The following STXBP6 variants were observed in gnomAD, a reference collection of about 807,000 sequenced individuals.
The protein encoded by STXBP6 is syntaxin-binding protein 6.
Under a neutral mutation model 26.9 loss-of-function variants are expected in STXBP6, and 21 were observed. That is an observed-to-expected ratio of 0.78 (90% CI 0.55 to 1.12). STXBP6 has a LOEUF of 1.12. STXBP6 is among the 50% of genes most tolerant of loss of function. The pLI, the probability that STXBP6 is intolerant of heterozygous loss-of-function variation, is 0.00. For missense variants in STXBP6, 232 were observed against 257.9 expected (o/e 0.90, Z 0.69); for synonymous variants, 97 against 92.6 (o/e 1.05, Z -0.27).
chr14:24,918,366 T>C (rs2071845326), intron 2 of STXBP6, among the ~76,000 whole-genome samples: 1 of 151,626 alleles, frequency 6.6e-6, no homozygotes, highest in Non-Finnish European at 1.5e-5. Context: ...ATTTTGTCAA[T>C]ACAAACCTAA....
At chr14:24,841,753 A>G (rs546092663) in intron 4 of STXBP6, among the ~76,000 whole-genome samples, 2 of 152,132 alleles carry the variant, frequency 1.3e-5, no homozygotes, top group Admixed American at 6.5e-5. Flanking sequence ...ATTTTTTTCT[A>G]TCACTTTGTC....
chr14:24,915,818 A>C (rs973098786), intron 2 of STXBP6, among the ~76,000 whole-genome samples: 2 of 152,150 alleles, frequency 1.3e-5, no homozygotes, highest in African/African-American at 4.8e-5. Flanking sequence ...CAAGGTTTGC[A>C]GAACAAAAAT....
At chr14:24,969,971 G>C (rs1267150866) in intron 2 of STXBP6, among the ~76,000 whole-genome samples, 1 of 152,208 alleles carries the variant, frequency 6.6e-6, no homozygotes, top group African/African-American at 2.4e-5. Flanking sequence ...GCCGGGTGTG[G>C]TGGCTCATGC....
chr14:25,033,228 C>T (rs2075492095), intron 1 of STXBP6, among the ~76,000 whole-genome samples: 1 of 152,176 alleles, frequency 6.6e-6, no homozygotes, highest in South Asian at 2.1e-4. Context: ...CCCTGTTTCT[C>T]ACCCTGTACT....
intron 2 of STXBP6, chr14:24,878,808 TG>T (rs1169467509): frequency 2.2e-6 from 1 of 452,118 alleles, no homozygotes; most frequent in Non-Finnish European, 4.5e-6. Flanking sequence ...GAAGCTGACT[TG>T]ATATCTGTGT....
At chr14:24,870,718 C>G (rs762558055) in intron 2 of STXBP6, among the ~76,000 whole-genome samples, 22 of 152,108 alleles carry the variant, frequency 1.4e-4, no homozygotes, top group Non-Finnish European at 2.9e-4. Flanking sequence ...CTCCAGTTTT[C>G]TTCATGTTCA....
chr14:24,862,036 G>C (rs551552332), intron 2 of STXBP6, among the ~76,000 whole-genome samples: 1 of 152,228 alleles, frequency 6.6e-6, no homozygotes, highest in South Asian at 2.1e-4. Flanking sequence ...TCACTCTGTT[G>C]CCTCTGCTGG....
chr14:24,991,849 C>A (rs921840562), intron 1 of STXBP6, among the ~76,000 whole-genome samples: 2 of 152,206 alleles, frequency 1.3e-5, no homozygotes, highest in African/African-American at 4.8e-5. Context: ...GACTAGAGAG[C>A]GGTAGACGGC....
chr14:24,921,325 G>C (rs1332076167), intron 2 of STXBP6, among the ~76,000 whole-genome samples: 2 of 152,084 alleles, frequency 1.3e-5, no homozygotes, highest in African/African-American at 2.4e-5. Flanking sequence ...GCATCTATTT[G>C]ATGACTCTAA....
At chr14:25,048,618 A>T (rs918626342) in intron 1 of STXBP6, among the ~76,000 whole-genome samples, 2 of 152,202 alleles carry the variant, frequency 1.3e-5, no homozygotes, top group African/African-American at 4.8e-5. Context: ...CCAACAGCCA[A>T]GGTGTTCAGC....
At chr14:24,857,277 G>T in intron 2 of STXBP6, 120 bp from the exon 3 acceptor site, 1 of 1,323,574 alleles carries the variant, frequency 7.6e-7, no homozygotes, top group Non-Finnish European at 1.0e-6. Flanking sequence ...AGAAGGCAGA[G>T]GGGGAAAGGA....
chr14:24,955,439 A>T (rs960741507), intron 2 of STXBP6, among the ~76,000 whole-genome samples: 4 of 152,208 alleles, frequency 2.6e-5, no homozygotes, highest in African/African-American at 9.7e-5. Context: ...ATTAAAGTGT[A>T]TCACCGTTGT....
rs1451489982 is a variant in STXBP6 at position 24,918,451 on chromosome 14, ACCAC to A, written c.154+56210_154+56213del. Among the ~76,000 whole-genome samples, 6 of 74,812 alleles carry A rather than the reference ACCAC, an allele frequency of 8.0e-5. No homozygotes were observed. In the Admixed American group the frequency reaches 9.3e-4, roughly 12 times the overall value. The allele number at this position is 74,812 out of a possible 152,430, so 49.1% of individuals were successfully genotyped here. On this transcript the variant is annotated intron_variant, in intron 2 of 5. Transcript: ENST00000323944. ...ATTATTTCTTAAAAACCACACCCCC[ACCAC>A]ACACACACACACACACACACACACA...
At chr14:24,846,418 C>G (rs1459622482) in intron 4 of STXBP6, among the ~76,000 whole-genome samples, 1 of 152,124 alleles carries the variant, frequency 6.6e-6, no homozygotes, top group Non-Finnish European at 1.5e-5. Context: ...CCTTTGAGAT[C>G]TCCATCTCAA....
chr14:24,990,455 G>A (rs2074437415), intron 1 of STXBP6, among the ~76,000 whole-genome samples: 1 of 151,980 alleles, frequency 6.6e-6, no homozygotes, highest in Non-Finnish European at 1.5e-5. Context: ...GGTCAGGAGT[G>A]TGAGACCAAC....
intron 1 of STXBP6, among the ~76,000 whole-genome samples, chr14:25,026,570 C>T (rs532166611): frequency 5.9e-5 from 9 of 152,112 alleles, no homozygotes; most frequent in South Asian, 2.1e-4. Context: ...TGTTCAAGTC[C>T]GATCTTACCA....
intron 4 of STXBP6, among the ~76,000 whole-genome samples, chr14:24,840,192 C>T (rs1369404119): frequency 3.9e-5 from 6 of 152,034 alleles, no homozygotes; most frequent in Admixed American, 3.3e-4. Context: ...CTGCTGGTTC[C>T]TTTGGGATTA....
chr14:24,920,828 G>C (rs1216351378), intron 2 of STXBP6, among the ~76,000 whole-genome samples: 9 of 151,996 alleles, frequency 5.9e-5, no homozygotes. Flanking sequence ...CACAACTGGA[G>C]ACCGTCTTTA....
intron 2 of STXBP6, among the ~76,000 whole-genome samples, chr14:24,926,859 T>C (rs1680425071): frequency 2.0e-5 from 3 of 152,032 alleles, no homozygotes; most frequent in Non-Finnish European, 4.4e-5. Flanking sequence ...GGGGATCAAA[T>C]GAGTTAATAT....
Sources: gnomAD v4.1 joint callset for allele counts (sites outside exome capture counted in the v4.1 genomes callset) on GRCh38, gnomAD v4.1.1 for gene constraint, MANE v1.5 for transcripts, NCBI Gene and HGNC (gene_info 2026-07-23, HGNC 2026-07-21) for gene names.